PTPRM: variants seen among roughly 807,000 people sequenced by gnomAD.
PTPRM encodes the protein protein tyrosine phosphatase receptor type M, also known as receptor-type tyrosine-protein phosphatase mu.
PTPRM carries 47 observed loss-of-function variants against 186.7 expected under a neutral mutation model. The ratio of observed to expected loss-of-function variants is 0.25; its 90% CI spans 0.20 to 0.32. The LOEUF is 0.32. PTPRM is among the 10% of genes least tolerant of loss of function. The pLI is 1.00. For synonymous variants in PTPRM, 668 were observed against 674.9 expected (o/e 0.99, Z 0.16); for missense variants, 1,494 against 1,865.0 (o/e 0.80, Z 3.66).
At chr18:7,666,867 A>T (rs1366862224) in intron 1 of PTPRM, among the ~76,000 whole-genome samples, 1 of 152,170 alleles carries the variant, frequency 6.6e-6, no homozygotes, top group Admixed American at 6.5e-5. Flanking sequence ...GGCAGGGGGT[A>T]GGTGGGAGGT....
At chr18:7,924,909 C>T (rs753708261) in intron 4 of PTPRM, among the ~76,000 whole-genome samples, 11 of 152,108 alleles carry the variant, frequency 7.2e-5, no homozygotes, top group South Asian at 2.1e-4. Flanking sequence ...CTTCGTAAAC[C>T]GAGCCTGGTG....
chr18:8,208,146 G>A (rs561093317), intron 14 of PTPRM, among the ~76,000 whole-genome samples: 17 of 152,330 alleles, frequency 1.1e-4, no homozygotes, highest in African/African-American at 3.8e-4. Context: ...ACTCCTGCAG[G>A]CCTTGGCCTG....
At chr18:8,056,224 C>G (rs1185696053) in intron 7 of PTPRM, among the ~76,000 whole-genome samples, 1 of 152,110 alleles carries the variant, frequency 6.6e-6, no homozygotes, top group Non-Finnish European at 1.5e-5. Flanking sequence ...GAGAGAAATT[C>G]TTAACATAAA....
intron 2 of PTPRM, among the ~76,000 whole-genome samples, chr18:7,826,537 G>A (rs572525247): frequency 1.3e-5 from 2 of 152,188 alleles, no homozygotes; most frequent in African/African-American, 4.8e-5. Context: ...TAGCTCAGTT[G>A]TTTCCTTGAA....
chr18:8,211,377 C>CTTTTTTT (rs970926126), intron 14 of PTPRM, among the ~76,000 whole-genome samples: 282 of 87,234 alleles, frequency 3.2e-3, no homozygotes, highest in African/African-American at 3.6e-3. Flanking sequence ...GTCTCTTCTT[C>CTTTTTTT]TTTTTTTTTT....
At chr18:7,602,962 C>T (rs1030746209) in intron 1 of PTPRM, among the ~76,000 whole-genome samples, 2 of 149,310 alleles carry the variant, frequency 1.3e-5, no homozygotes, top group South Asian at 2.2e-4. Flanking sequence ...GAGTCTCACT[C>T]TCTCGCCCAG....
At chr18:7,917,532 T>C (rs1284870368) in intron 4 of PTPRM, among the ~76,000 whole-genome samples, 1 of 152,110 alleles carries the variant, frequency 6.6e-6, no homozygotes, top group Non-Finnish European at 1.5e-5. Context: ...TGAGACTCTG[T>C]CTAAAAAAAT....
chr18:7,646,048 A>T (rs1406264455), intron 1 of PTPRM, among the ~76,000 whole-genome samples: 1 of 152,160 alleles, frequency 6.6e-6, no homozygotes, highest in Non-Finnish European at 1.5e-5. Context: ...TCTGTGGGGA[A>T]CCCATTAAAA....
chr18:7,764,453 T>C (rs1454425389), intron 1 of PTPRM, among the ~76,000 whole-genome samples: 3 of 152,248 alleles, frequency 2.0e-5, no homozygotes, highest in African/African-American at 7.2e-5. Context: ...GCACTCTTTC[T>C]GGGTCAATGA....
At chr18:8,360,080 CAG>C (rs1339065794) in intron 23 of PTPRM, among the ~76,000 whole-genome samples, 10 of 152,170 alleles carry the variant, frequency 6.6e-5, no homozygotes, top group Admixed American at 6.5e-4. Context: ...ACCAAAGAAA[CAG>C]AAAAATCCAG....
chr18:7,582,018 G>T (rs960724356), intron 1 of PTPRM, among the ~76,000 whole-genome samples: 5 of 152,106 alleles, frequency 3.3e-5, no homozygotes, highest in Non-Finnish European at 5.9e-5. Flanking sequence ...TACATAGGTA[G>T]AAATGTGTAC....
At chr18:8,234,256 C>A (rs555419059) in intron 14 of PTPRM, among the ~76,000 whole-genome samples, 76 of 152,234 alleles carry the variant, frequency 5.0e-4, no homozygotes, top group African/African-American at 1.6e-3. Context: ...TCTTTGATTT[C>A]TTTCATCAGA....
At chr18:7,819,450 G>GTT (rs1487693897) in intron 2 of PTPRM, among the ~76,000 whole-genome samples, 3 of 53,924 alleles carry the variant, frequency 5.6e-5, no homozygotes, top group Admixed American at 3.0e-4. Context: ...TCATCAACCA[G>GTT]TGGAATGACG....
chr18:7,949,129 C>T (rs908578573), intron 5 of PTPRM, 52 bp from the exon 6 acceptor site: 1 of 1,472,818 alleles, frequency 6.8e-7, no homozygotes, highest in Non-Finnish European at 9.3e-7. Flanking sequence ...GACTGTTTTG[C>T]TCTGACAGCT....
chr18:7,683,889 G>A (rs1284837224), intron 1 of PTPRM, among the ~76,000 whole-genome samples: 2 of 152,062 alleles, frequency 1.3e-5, no homozygotes, highest in Non-Finnish European at 1.5e-5. Flanking sequence ...GTTGTTGGGG[G>A]AATCCAGTTG....
rs902284736 is a variant in PTPRM, at chr18:8,319,984, G to A, written c.2956+770G>A. 6.6e-5 allele frequency among the ~76,000 whole-genome samples: 10 copies of A among 152,130 alleles called. No individual in the cohort carries two copies. The East Asian group carries it at 9.6e-4, about 15-fold the overall frequency. ...CATCTGCAGATGGTGGGGGTCATGA[G>A]GGAGCGAGGTTTTAGAGAATGAGGC... is the stretch of plus-strand genomic sequence containing the variant. On this transcript the variant is annotated intron_variant, in intron 22 of 32. Transcript: ENST00000580170.
rs1595999 is a variant in PTPRM, at chr18:7,837,327, A to T, written c.197-50779A>T. On this transcript the variant is annotated intron_variant, in intron 2 of 32. Transcript: ENST00000580170. ...CATACATTCTTCAGTATGCTAATTG[A>T]GTTTTTCAGCTCTAGAAATACTGAT... Among the ~76,000 whole-genome samples the T allele has an allele frequency of 3.1e-3, 464 of 151,784 alleles. 5 individuals carry two copies. The highest frequency in any genetic ancestry group is 0.011 in the African/African-American group (436 of 41,380).
At chr18:7,604,886 T>C (rs1310427158) in intron 1 of PTPRM, among the ~76,000 whole-genome samples, 2 of 152,222 alleles carry the variant, frequency 1.3e-5, no homozygotes, top group Non-Finnish European at 2.9e-5. Flanking sequence ...AGTTCTAATA[T>C]GCTCATATTT....
At chr18:7,854,924 T>G (rs560674755) in intron 2 of PTPRM, among the ~76,000 whole-genome samples, 1 of 152,232 alleles carries the variant, frequency 6.6e-6, no homozygotes, top group African/African-American at 2.4e-5. Context: ...TATAAATAAG[T>G]TATCATTTTA....
Sources: allele counts gnomAD v4.1 joint callset (sites outside exome capture counted in the v4.1 genomes callset), GRCh38; gene constraint gnomAD v4.1.1; transcripts MANE v1.5; gene names NCBI Gene and HGNC (gene_info 2026-07-23, HGNC 2026-07-21).